ANTXR1: variants seen among roughly 807,000 people sequenced by gnomAD.
ANTXR1 encodes the protein ANTXR cell adhesion molecule 1.
In ANTXR1, 19 loss-of-function variants were observed where a neutral mutation model predicts 78.1. That is an observed-to-expected ratio of 0.24 (90% CI 0.17 to 0.36). The LOEUF is 0.36. Among genes scored for constraint, ANTXR1 ranks in the 10% least tolerant of loss-of-function variants. The pLI is 1.00. For missense variants in ANTXR1, 518 were observed against 718.6 expected (o/e 0.72, Z 3.19); for synonymous variants, 273 against 260.5 (o/e 1.05, Z -0.46).
At chr2:69,211,206 T>C (rs1227967263) in intron 17 of ANTXR1, among the ~76,000 whole-genome samples, 3 of 152,204 alleles carry the variant, frequency 2.0e-5, no homozygotes, top group African/African-American at 7.2e-5. Context: ...TGCATATGTA[T>C]ATGCAACTTC....
At position 69,122,864 on chromosome 2, in the gene ANTXR1, G is replaced by A. The variant is rs373967672; in HGVS notation, c.803-153G>A. Among the ~76,000 whole-genome samples the A allele has an allele frequency of 2.0e-4, 30 of 152,182 alleles. 1 individual carries two copies. Among genetic ancestry groups the A allele is most frequent in the East Asian group, 5.8e-4 (3 of 5,180 alleles). ...GCGGTGTTTGGTTTTCTGTCCTTGC[G>A]ATAGTTTGCTGTACAGCTTAAGTTT... On this transcript the variant is annotated intron_variant, in intron 10 of 17. Coordinates refer to ENST00000303714, the MANE Select transcript of ANTXR1 (RefSeq NM_032208.3).
chr2:69,179,083 A>C (rs1490448426), intron 14 of ANTXR1, among the ~76,000 whole-genome samples: 1 of 152,202 alleles, frequency 6.6e-6, no homozygotes, highest in Non-Finnish European at 1.5e-5. Flanking sequence ...CTTACACAGA[A>C]ACATACATCC....
rs1196033422 is a variant in ANTXR1 at position 69,248,128 on chromosome 2, A to T, written c.*2643A>T. 6.0e-6 allele frequency: 1 copy of T among 165,290 alleles called. No individual in the cohort carries two copies. The highest frequency in any genetic ancestry group is 2.4e-5 in the African/African-American group (1 of 41,400). The allele number at this position is 165,290 out of a possible 1,614,324, so 10.2% of individuals were successfully genotyped here. ...CATCAATACTTGTGTCATTCCCTGT[A>T]AAAGGCAGGAGACATGTGATTATGA... On this transcript the variant is annotated 3_prime_UTR_variant, in exon 18 of 18. Transcript: ENST00000303714.
At chr2:69,160,483 C>T (rs1207987537) in intron 13 of ANTXR1, among the ~76,000 whole-genome samples, 3 of 152,100 alleles carry the variant, frequency 2.0e-5, no homozygotes, top group Admixed American at 2.0e-4. Context: ...ATATTCGTAC[C>T]TTCTTTGAGT....
intron 17 of ANTXR1, among the ~76,000 whole-genome samples, chr2:69,204,704 C>G (rs1674855200): frequency 6.6e-6 from 1 of 152,172 alleles, no homozygotes; most frequent in Non-Finnish European, 1.5e-5. Context: ...CCAGACTCAG[C>G]CTTATCTCTT....
intron 14 of ANTXR1, among the ~76,000 whole-genome samples, chr2:69,175,839 T>TCC (rs1674106348): frequency 6.6e-6 from 1 of 152,140 alleles, no homozygotes; most frequent in East Asian, 1.9e-4. Context: ...TTCAGATTTA[T>TCC]TATTATGCTC....
At chr2:69,165,396 G>A (rs1333274872) in intron 13 of ANTXR1, among the ~76,000 whole-genome samples, 1 of 152,206 alleles carries the variant, frequency 6.6e-6, no homozygotes, top group African/African-American at 2.4e-5. Context: ...AACTTAAGAA[G>A]AAAGGGGCCA....
At chr2:69,068,913 G>A (rs1181595473) in intron 3 of ANTXR1, among the ~76,000 whole-genome samples, 1 of 152,194 alleles carries the variant, frequency 6.6e-6, no homozygotes, top group Non-Finnish European at 1.5e-5. Flanking sequence ...CTAACAGAAT[G>A]TGATGATGGT....
chr2:69,218,235 C>T (rs1461145254), intron 17 of ANTXR1, among the ~76,000 whole-genome samples: 2 of 152,178 alleles, frequency 1.3e-5, no homozygotes, highest in Non-Finnish European at 2.9e-5. Context: ...CAAGATTCAG[C>T]TGTAGTGGGC....
At position 69,247,524 on chromosome 2, in the gene ANTXR1, A is replaced by G. The variant is rs923798248; in HGVS notation, c.*2039A>G. The G allele has an allele frequency of 1.3e-5, 2 of 152,930 alleles. No individual in the cohort carries two copies. The highest frequency in any genetic ancestry group is 4.8e-5 in the African/African-American group (2 of 41,560). 9.5% of individuals were successfully genotyped at this position (152,930 alleles called of 1,614,324 possible). The stretch of plus-strand genomic sequence containing the variant: ...GAAAGCAACCCCCCAGCCTCTCCCC[A>G]ACCCTGCCGCATTGTCTAATTTTTA... On this transcript the variant is annotated 3_prime_UTR_variant, in exon 18 of 18. Coordinates refer to ENST00000303714, the MANE Select transcript of ANTXR1 (RefSeq NM_032208.3).
intron 12 of ANTXR1, among the ~76,000 whole-genome samples, chr2:69,126,074 A>T (rs1361431712): frequency 2.0e-5 from 3 of 152,166 alleles, no homozygotes. Context: ...CCTTAATACC[A>T]TCACAGTTGG....
At chr2:69,235,460 G>A (rs543347896) in intron 17 of ANTXR1, among the ~76,000 whole-genome samples, 13 of 151,922 alleles carry the variant, frequency 8.6e-5, no homozygotes, top group African/African-American at 3.1e-4. Context: ...GACCAGCCTG[G>A]GCAACATGGT....
chr2:69,048,708 A>G (rs1291155679), intron 3 of ANTXR1, among the ~76,000 whole-genome samples: 2 of 152,258 alleles, frequency 1.3e-5, no homozygotes, highest in South Asian at 2.1e-4. Flanking sequence ...CTGTTTCTAT[A>G]GTTGGATCAC....
At chr2:69,179,665 G>C (rs79819372) in intron 14 of ANTXR1, among the ~76,000 whole-genome samples, 6,049 of 152,148 alleles carry the variant, frequency 0.04, 416 homozygotes, top group African/African-American at 0.14. Context: ...AACAATCAAA[G>C]GAGAATGAGG....
At chr2:69,172,839 T>C (rs1360097918) in intron 14 of ANTXR1, among the ~76,000 whole-genome samples, 1 of 152,180 alleles carries the variant, frequency 6.6e-6, no homozygotes, top group African/African-American at 2.4e-5. Flanking sequence ...AAGAGCTCAA[T>C]AGAAGCAAGG....
intron 12 of ANTXR1, among the ~76,000 whole-genome samples, chr2:69,127,134 C>G (rs1458702121): frequency 1.3e-5 from 2 of 152,142 alleles, no homozygotes; most frequent in African/African-American, 4.8e-5. Context: ...ACATAGTAAA[C>G]AAACTACATG....
At chr2:69,056,739 T>A (rs1670078854) in intron 3 of ANTXR1, among the ~76,000 whole-genome samples, 1 of 152,218 alleles carries the variant, frequency 6.6e-6, no homozygotes, top group South Asian at 2.1e-4. Flanking sequence ...CAGTGTGCGA[T>A]CTTGGCTCAC....
intron 16 of ANTXR1, among the ~76,000 whole-genome samples, chr2:69,186,663 CA>C (rs1222632700): frequency 6.6e-6 from 1 of 152,248 alleles, no homozygotes; most frequent in Non-Finnish European, 1.5e-5. Flanking sequence ...TGTAGCCCTG[CA>C]AAGAGACTAC....
rs528543438 is a variant in ANTXR1 at position 69,136,131 on chromosome 2, T to C, written c.951+11488T>C. Among the ~76,000 whole-genome samples, 10 of 152,306 alleles carry C rather than the reference T, an allele frequency of 6.6e-5. No homozygotes were observed. In the South Asian group the frequency reaches 2.1e-3, roughly 32 times the overall value. On this transcript the variant is annotated intron_variant, in intron 12 of 17. Coordinates refer to ENST00000303714, the MANE Select transcript of ANTXR1 (RefSeq NM_032208.3). The stretch of plus-strand genomic sequence containing the variant: ...AAATAGTGAGACATCCTACCACAGA[T>C]ACATCTGAAATGCAATGAAATATTC...
Sources: gnomAD v4.1 joint callset for allele counts (sites outside exome capture counted in the v4.1 genomes callset) on GRCh38, gnomAD v4.1.1 for gene constraint, MANE v1.5 for transcripts, NCBI Gene and HGNC (gene_info 2026-07-23, HGNC 2026-07-21) for gene names.